MAP7D2: variants seen among roughly 807,000 people sequenced by gnomAD.
MAP7D2 encodes MAP7 domain-containing protein 2.
MAP7D2 carries 33 observed loss-of-function variants against 63.5 expected under a neutral mutation model. The observed-to-expected ratio is 0.52, with a 90% CI of 0.39 to 0.70. The LOEUF (loss-of-function observed/expected upper bound fraction) is 0.70, where lower values mean the gene tolerates loss of function less well. Among genes scored for constraint, MAP7D2 ranks in the 30% least tolerant of loss-of-function variants. MAP7D2 has a pLI of 0.00. For missense variants in MAP7D2, 626 were observed against 604.0 expected (o/e 1.04, Z -0.38); for synonymous variants, 224 against 223.7 (o/e 1.00, Z -0.01).
chrX:20,071,278 A>G (rs1286460890), intron 1 of MAP7D2, among the ~76,000 whole-genome samples: 1 of 112,409 alleles, frequency 8.9e-6, no homozygotes, highest in African/African-American at 3.2e-5. Context: ...AATCACCTGG[A>G]GAGCTTTCAA....
rs769260960 is a variant in MAP7D2, at chrX:20,095,170, TTA to T, written c.130+21578_130+21579del. On this transcript the variant is annotated intron_variant, in intron 1 of 16. Transcript: ENST00000379643. ...TATGTACACTTTACAAGAATGAAAT[TTA>T]TGTTATTGTGAGTTATATCTCAACA... is the stretch of plus-strand genomic sequence containing the variant. Among the ~76,000 whole-genome samples the T allele has an allele frequency of 4.7e-3, 525 of 111,887 alleles. 3 individuals are homozygous for T. The highest frequency in any genetic ancestry group is 0.017 in the African/African-American group (512 of 30,802).
At chrX:20,013,479 G>A (rs1214089035) in intron 13 of MAP7D2, 90 bp downstream of exon 13, 17 of 832,792 alleles carry the variant, frequency 2.0e-5, no homozygotes, top group East Asian at 9.8e-5. Flanking sequence ...CTGGCTAATC[G>A]TCGCCAAGAC....
At chrX:20,107,359 T>A (rs959325497) in intron 1 of MAP7D2, among the ~76,000 whole-genome samples, 10 of 111,048 alleles carry the variant, frequency 9.0e-5, no homozygotes, top group Admixed American at 7.7e-4. Flanking sequence ...TCACTTGAGG[T>A]CAGGAGTTCA....
chrX:20,047,578 G>A (rs894019779), intron 6 of MAP7D2, among the ~76,000 whole-genome samples: 1 of 107,428 alleles, frequency 9.3e-6, no homozygotes, highest in African/African-American at 3.4e-5. Context: ...TTGGGAGGCC[G>A]AGGTGGGAGG....
chrX:20,088,955 G>A (rs1008792276), intron 1 of MAP7D2, among the ~76,000 whole-genome samples: 7 of 110,036 alleles, frequency 6.4e-5, no homozygotes, highest in Admixed American at 2.9e-4. Context: ...GCTAATTTTT[G>A]TATTTTCAGT....
In MAP7D2 at chrX:20,064,708, AGCCAAAGT is replaced by A. The variant is rs776205620; in HGVS notation, c.208+12_208+19del. 1.7e-6 allele frequency: 2 copies of A among 1,198,740 alleles called. No individual in the cohort carries two copies. Among genetic ancestry groups the A allele is most frequent in the Admixed American group, 4.3e-5 (2 of 45,990 alleles). On this transcript the variant is annotated intron_variant, in intron 2 of 16. Coordinates refer to ENST00000379643, the MANE Select transcript of MAP7D2 (RefSeq NM_001168465.2). ...TATCTCCACTCCCTTGGACCAAAAT[AGCCAAAGT>A]GCATAACTTACCCAGACATTTTTCT... is the stretch of plus-strand genomic sequence containing the variant.
chrX:20,086,183 C>T, intron 1 of MAP7D2, among the ~76,000 whole-genome samples: 1 of 112,105 alleles, frequency 8.9e-6, no homozygotes, highest in East Asian at 2.8e-4. Flanking sequence ...CTCAGAGCCG[C>T]CTTCTCACTG....
intron 5 of MAP7D2, among the ~76,000 whole-genome samples, chrX:20,051,629 A>G (rs957800029): frequency 1.8e-5 from 2 of 112,079 alleles, no homozygotes; most frequent in Non-Finnish European, 3.8e-5. Flanking sequence ...TATGCCTATA[A>G]AACACTTGTT....
chrX:20,015,246 G>T lies in MAP7D2; in HGVS notation c.1726C>A (p.Gln576Lys). The T allele has an allele frequency of 8.3e-7, 1 of 1,209,566 alleles. No homozygotes were observed. Among genetic ancestry groups the T allele is most frequent in the Non-Finnish European group, 1.1e-6 (1 of 893,998 alleles). ...EREQIMLQIE[Q>K]ERLERKKRID... is the part of the protein sequence containing the mutation. ...ACCTTCTTTCTCTCCAGTCTCTCCT[G>T]CTCAATCTGCAGCATAATCTGTTCT... is the stretch of plus-strand genomic sequence containing the variant. The change falls in exon 12 of 17, where the codon CAG becomes AAG. Residue 576 changes from glutamine to lysine, a missense_variant. Coordinates refer to ENST00000379643, the MANE Select transcript of MAP7D2 (RefSeq NM_001168465.2).
intron 2 of MAP7D2, 39 bp downstream of exon 2, chrX:20,064,689 C>T (rs759140802): frequency 1.5e-5 from 17 of 1,114,265 alleles, no homozygotes; most frequent in Non-Finnish European, 2.1e-5. Flanking sequence ...ACCATATCTC[C>T]ACTCCCTTGG....
At chrX:20,039,121 C>T (rs2064579031) in intron 8 of MAP7D2, among the ~76,000 whole-genome samples, 1 of 112,413 alleles carries the variant, frequency 8.9e-6, no homozygotes, top group Non-Finnish European at 1.9e-5. Flanking sequence ...GCTACGATCA[C>T]AGGACCAGTT....
intron 1 of MAP7D2, among the ~76,000 whole-genome samples, chrX:20,071,242 G>A (rs1176080060): frequency 1.8e-5 from 2 of 112,288 alleles, no homozygotes; most frequent in East Asian, 2.8e-4. Context: ...GGAGACCACC[G>A]CTTCTCAACT....
chrX:20,058,157 A>G (rs1426456649), intron 3 of MAP7D2, among the ~76,000 whole-genome samples: 4 of 112,615 alleles, frequency 3.6e-5, no homozygotes, highest in Admixed American at 2.8e-4. Context: ...GCCTTGGCAG[A>G]GTCCAGTCCT....
At chrX:20,084,599 C>T (rs1049429759) in intron 1 of MAP7D2, among the ~76,000 whole-genome samples, 1 of 83,235 alleles carries the variant, frequency 1.2e-5, no homozygotes, top group Non-Finnish European at 2.2e-5. Context: ...GACAGAGTCT[C>T]ACTCTACTGC....
intron 11 of MAP7D2, 116 bp downstream of exon 11, chrX:20,015,974 CCAGA>C (rs2073371616): frequency 1.5e-6 from 1 of 654,480 alleles, no homozygotes; most frequent in Middle Eastern, 3.3e-4. Context: ...AATAACCAGC[CCAGA>C]CAGTTTAAGA....
At chrX:20,111,623 T>C (rs1405521345) in intron 1 of MAP7D2, among the ~76,000 whole-genome samples, 2 of 110,879 alleles carry the variant, frequency 1.8e-5, no homozygotes, top group African/African-American at 6.6e-5. Context: ...TGTCAGTGAG[T>C]ATGGGGATTC....
chrX:20,042,667 C>T, intron 7 of MAP7D2, 38 bp from the exon 8 acceptor site: 1 of 1,200,551 alleles, frequency 8.3e-7, no homozygotes, highest in Non-Finnish European at 1.1e-6. Flanking sequence ...CCATGACTGG[C>T]ACTACTTCCA....
chrX:20,115,896 T>C (rs1037080265), intron 1 of MAP7D2, among the ~76,000 whole-genome samples: 7 of 112,761 alleles, frequency 6.2e-5, no homozygotes, highest in Non-Finnish European at 1.3e-4. Flanking sequence ...AATAAAAAAG[T>C]TGTTGTCAGG....
At chrX:20,108,130 G>A (rs1319392723) in intron 1 of MAP7D2, among the ~76,000 whole-genome samples, 1 of 111,311 alleles carries the variant, frequency 9.0e-6, no homozygotes, top group Non-Finnish European at 1.9e-5. Context: ...ACCCTGAGCA[G>A]CCTAACCCTG....
Sources: gnomAD v4.1 joint callset for allele counts (sites outside exome capture counted in the v4.1 genomes callset) on GRCh38, gnomAD v4.1.1 for gene constraint, MANE v1.5 for transcripts, NCBI Gene and HGNC (gene_info 2026-07-23, HGNC 2026-07-21) for gene names.